The following CDKL3 variants were observed in gnomAD, a reference collection of about 807,000 sequenced individuals.
The protein encoded by CDKL3 is cyclin dependent kinase like 3.
A neutral mutation model predicts 69.3 loss-of-function variants in CDKL3; 65 were observed. That is an observed-to-expected ratio of 0.94 (90% CI 0.77 to 1.15). The LOEUF is 1.15. CDKL3 is among the 50% of genes most tolerant of loss of function. The pLI, the probability that CDKL3 is intolerant of heterozygous loss-of-function variation, is 0.00. For missense variants in CDKL3, 652 were observed against 689.2 expected, an observed-to-expected ratio of 0.95 and a Z score of 0.61; for synonymous variants, 202 against 221.6, an observed-to-expected ratio of 0.91 and a Z score of 0.79.
At chr5:134,317,606 A>G (rs918093524) in intron 6 of CDKL3, among the ~76,000 whole-genome samples, 1 of 152,170 alleles carries the variant, frequency 6.6e-6, no homozygotes, top group Admixed American at 6.5e-5. Flanking sequence ...CCTGGGCAAC[A>G]GGATGAGACT....
At chr5:134,351,658 G>A (rs1484221042) in intron 3 of CDKL3, among the ~76,000 whole-genome samples, 1 of 152,070 alleles carries the variant, frequency 6.6e-6, no homozygotes, top group African/African-American at 2.4e-5. Context: ...ACAGGGTCTG[G>A]TTATGTTGCT....
At position 134,302,673 on chromosome 5, in the gene CDKL3, T is replaced by C; in HGVS notation, c.1636A>G (p.Met546Val). Residue 546 changes from methionine to valine, a missense_variant, in exon 12 of 13, where the codon ATG (methionine) becomes GTG (valine). Physicochemically the swap from Met to Val is conservative, Grantham distance 21 (BLOSUM62 1). Transcript: ENST00000265334. ...TKGMEVKQIK[M>V]LKRESKKTES... ...GTTTTCTTTGACTCCCTCTTCAGCA[T>C]TTTTATCTGTTTAACTTTTGCAAAA... 1.3e-6 allele frequency: 2 copies of C among 1,585,474 alleles called. No individual in the cohort carries two copies. Among genetic ancestry groups the C allele is most frequent in the East Asian group, 4.5e-5 (2 of 44,146 alleles).
chr5:134,309,615 C>A (rs1363203280), intron 7 of CDKL3, among the ~76,000 whole-genome samples: 6 of 152,060 alleles, frequency 3.9e-5, no homozygotes, highest in Non-Finnish European at 2.9e-5. Context: ...TGCACAAGTC[C>A]CCTCCTTGAA....
chr5:134,326,831 A>ACTGC (rs1774405009), intron 4 of CDKL3, among the ~76,000 whole-genome samples: 1 of 84,086 alleles, frequency 1.2e-5, no homozygotes, highest in Non-Finnish European at 2.1e-5. Flanking sequence ...ATATATATAT[A>ACTGC]TATATATATA....
At chr5:134,348,439 A>G (rs1581161888) in intron 4 of CDKL3, among the ~76,000 whole-genome samples, 1 of 152,204 alleles carries the variant, frequency 6.6e-6, no homozygotes, top group East Asian at 1.9e-4. Context: ...TTCAAAATGG[A>G]CTCACTAGCA....
At position 134,302,583 on chromosome 5, in the gene CDKL3, G is replaced by C; in HGVS notation, c.1719+7C>G. 6.8e-7 allele frequency: 1 copy of C among 1,466,366 alleles called. No individual in the cohort carries two copies. Among genetic ancestry groups the C allele is most frequent in the African/African-American group, 1.4e-5 (1 of 72,146 alleles). 90.8% of individuals were successfully genotyped at this position (1,466,366 alleles called of 1,614,324 possible). A position where few individuals can be genotyped will look rare whatever the true frequency, so the allele number is the denominator to read the frequency against. The stretch of plus-strand genomic sequence containing the variant: ...CCTTAGTAAAAGCTATATACAAAAA[G>C]AGTTACCTCTTGTTTTTCTTGATTT... On this transcript the variant is annotated splice_region_variant and intron_variant, in intron 12 of 12. Coordinates refer to ENST00000265334, the MANE Select transcript of CDKL3 (RefSeq NM_001113575.2).
At chr5:134,288,418 T>C (rs1396413564) in intron 8 of CDKL3, among the ~76,000 whole-genome samples, 1 of 152,256 alleles carries the variant, frequency 6.6e-6, no homozygotes, top group East Asian at 1.9e-4. Context: ...TACAGCTCTC[T>C]TTTAAAACTG....
intron 5 of CDKL3, among the ~76,000 whole-genome samples, chr5:134,320,387 G>A (rs572957406): frequency 3.9e-5 from 6 of 152,094 alleles, no homozygotes; most frequent in East Asian, 1.9e-4. Context: ...AGGCCGAGTC[G>A]GGCAACATGG....
In CDKL3 at chr5:134,347,305, G is replaced by C. The variant is rs554070765; in HGVS notation, c.539+2944C>G. Among the ~76,000 whole-genome samples the C allele has an allele frequency of 2.8e-4, 42 of 152,150 alleles. No individual in the cohort carries two copies. The South Asian group carries it at 7.9e-3, about 29-fold the overall frequency. ...ACTCTCACACTCAGCTAGTGGGAAT[G>C]TAAAATGGTACAAACACTTTGGAAT... is the stretch of plus-strand genomic sequence containing the variant. On this transcript the variant is annotated intron_variant, in intron 4 of 12. Coordinates refer to ENST00000265334, the MANE Select transcript of CDKL3 (RefSeq NM_001113575.2).
rs757397040 is a variant in CDKL3, at chr5:134,352,794, T to A, written c.361-2367A>T. ...GGTTATTTGTTTTCTTACTATTGATTTATTTGAGTTCCTTATATATTCTAG... is the reference window on the plus strand; with the variant it reads ...GGTTATTTGTTTTCTTACTATTGATATATTTGAGTTCCTTATATATTCTAG... On this transcript the variant is annotated intron_variant, in intron 3 of 12. Transcript: ENST00000265334. 7.2e-3 allele frequency among the ~76,000 whole-genome samples: 1,090 copies of A among 152,262 alleles called. 10 individuals are homozygous for A. Among genetic ancestry groups the A allele is most frequent in the Non-Finnish European group, 0.011 (719 of 68,022 alleles).
intron 4 of CDKL3, among the ~76,000 whole-genome samples, chr5:134,324,818 AGT>A (rs1208472693): frequency 2.6e-5 from 4 of 152,252 alleles, no homozygotes; most frequent in African/African-American, 9.6e-5. Flanking sequence ...TACAACACAG[AGT>A]AAACTCTAAA....
chr5:134,319,371 GC>G lies in CDKL3; in HGVS notation c.778del (p.Ala260GlnfsTer3), dbSNP rs1235907151. The G allele has an allele frequency of 1.3e-6, 2 of 1,517,814 alleles. No homozygotes were observed. The highest frequency in any genetic ancestry group is 1.8e-6 in the Non-Finnish European group (2 of 1,137,372). 94.0% of individuals were successfully genotyped at this position (1,517,814 alleles called of 1,614,324 possible). A position where few individuals can be genotyped will look rare whatever the true frequency, so the allele number is the denominator to read the frequency against. ...KKYPKLNGLLADIVHACLQID... is the reference protein window; with the variant it reads ...KKYPKLNGLLXDIVHACLQID... ...AAAAAAACATACATGAACTATATCT[GC>G]CAACAATCCATTAAGCTTTGGATAT... On this transcript the variant is annotated frameshift_variant, in exon 6 of 13. Coordinates refer to ENST00000265334, the MANE Select transcript of CDKL3 (RefSeq NM_001113575.2). LOFTEE classifies it high-confidence loss of function.
rs753348563 is a variant in CDKL3, at chr5:134,298,611, T to C, written c.*40A>G. ...TGTAGATAAATAAAACGGGAAGAGT[T>C]GTCATCTTGTATTTTTTGGACTATG... On this transcript the variant is annotated 3_prime_UTR_variant, in exon 13 of 13. Transcript: ENST00000265334. 4 of 1,601,290 alleles carry C rather than the reference T, an allele frequency of 2.5e-6. No homozygotes were observed. In the South Asian group the frequency reaches 4.6e-5, roughly 18 times the overall value.
intron 12 of CDKL3, chr5:134,299,541 C>A: frequency 8.4e-7 from 1 of 1,193,160 alleles, no homozygotes; most frequent in Non-Finnish European, 1.1e-6. Flanking sequence ...AATTTAAAAA[C>A]AAATTTAGGT....
At chr5:134,302,305 C>A in intron 12 of CDKL3, 1 of 460,106 alleles carries the variant, frequency 2.2e-6, no homozygotes, top group Non-Finnish European at 4.2e-6. Flanking sequence ...TTCATTTTCA[C>A]TAGTCTGACT....
At chr5:134,314,595 G>A (rs991616742) in intron 6 of CDKL3, among the ~76,000 whole-genome samples, 2 of 152,142 alleles carry the variant, frequency 1.3e-5, no homozygotes, top group African/African-American at 4.8e-5. Context: ...ATGTGGTATA[G>A]TCATATAATG....
At chr5:134,357,314 C>T (rs1351621268) in intron 3 of CDKL3, among the ~76,000 whole-genome samples, 3 of 151,852 alleles carry the variant, frequency 2.0e-5, no homozygotes, top group East Asian at 1.9e-4. Context: ...CATGATGGCA[C>T]GCACCTGTAA....
chr5:134,297,481 C>A (rs1222352330), downstream of CDKL3, among the ~76,000 whole-genome samples: 2 of 151,980 alleles, frequency 1.3e-5, no homozygotes, highest in East Asian at 3.8e-4. Flanking sequence ...TATTTTTAGA[C>A]CAGAGATGCT....
At chr5:134,357,813 C>T (rs905211396) in intron 3 of CDKL3, among the ~76,000 whole-genome samples, 1 of 152,198 alleles carries the variant, frequency 6.6e-6, no homozygotes, top group African/African-American at 2.4e-5. Flanking sequence ...TCTAGATTGT[C>T]ACAACAGCTA....
Sources: allele counts gnomAD v4.1 joint callset (sites outside exome capture counted in the v4.1 genomes callset), GRCh38; gene constraint gnomAD v4.1.1; transcripts MANE v1.5; gene names NCBI Gene and HGNC (gene_info 2026-07-23, HGNC 2026-07-21).